Variants in STMND1 observed in about 807,000 individuals in gnomAD.
STMND1 encodes stathmin domain-containing protein 1.
Under a neutral mutation model 23.0 loss-of-function variants are expected in STMND1, and 17 were observed. The ratio of observed to expected loss-of-function variants is 0.74; its 90% confidence interval spans 0.51 to 1.11. The LOEUF is 1.11. Among genes scored for constraint, STMND1 ranks in the 50% least tolerant of loss-of-function variants. STMND1 has a pLI of 0.00. For synonymous variants in STMND1, 114 were observed against 119.9 expected (o/e 0.95, Z 0.32); for missense variants, 305 against 329.1 (o/e 0.93, Z 0.57).
intron 2 of STMND1, among the ~76,000 whole-genome samples, chr6:17,116,503 A>C (rs1761161950): frequency 6.6e-6 from 1 of 151,716 alleles, no homozygotes; most frequent in Non-Finnish European, 1.5e-5. Flanking sequence ...GCAATGGTGC[A>C]ATCTCCGCTC....
intron 3 of STMND1, among the ~76,000 whole-genome samples, chr6:17,126,068 ATATT>A (rs1761298407): frequency 4.7e-5 from 1 of 21,380 alleles, no homozygotes; most frequent in African/African-American, 2.5e-4. Context: ...ATATATATAT[ATATT>A]TTTTTTTTTT....
At chr6:17,109,150 A>G (rs979613265) in intron 1 of STMND1, among the ~76,000 whole-genome samples, 1 of 152,256 alleles carries the variant, frequency 6.6e-6, no homozygotes, top group Non-Finnish European at 1.5e-5. Context: ...AGAAAAGCAC[A>G]TCGTTGCTTT....
chr6:17,104,433 C>A (rs983740482), intron 1 of STMND1, among the ~76,000 whole-genome samples: 14 of 152,110 alleles, frequency 9.2e-5, no homozygotes, highest in Non-Finnish European at 1.0e-4. Flanking sequence ...ACTGCTAAAA[C>A]TAATTTCGTT....
rs570084595 is a variant in STMND1, at chr6:17,129,622, A to T, written c.543+379A>T. On this transcript the variant is annotated intron_variant, in intron 4 of 4. Coordinates refer to ENST00000536551, the MANE Select transcript of STMND1 (RefSeq NM_001190766.2). ...CACTTTGGGAGGCCGAGGCAGGCGGATCACGAGGTCAGGAGATTGAGACCA... is the reference window on the plus strand; with the variant it reads ...CACTTTGGGAGGCCGAGGCAGGCGGTTCACGAGGTCAGGAGATTGAGACCA... Among the ~76,000 whole-genome samples, 185 of 152,158 alleles carry T rather than the reference A, an allele frequency of 1.2e-3. 1 individual carries two copies. Among genetic ancestry groups the T allele is most frequent in the African/African-American group, 4.0e-3 (167 of 41,546 alleles).
intron 1 of STMND1, 101 bp from the exon 2 acceptor site, chr6:17,114,861 C>G: frequency 7.8e-7 from 1 of 1,286,820 alleles, no homozygotes; most frequent in Non-Finnish European, 1.0e-6. Flanking sequence ...TACAGCCCAC[C>G]ACAGATACTA....
In STMND1 at chr6:17,130,619, G is replaced by C. The variant is rs1021568064; in HGVS notation, c.569G>C (p.Arg190Thr). ...RKTKEEEIRK[R>T]LRSDRLLPSA... ...ACTAAAGAAGAAGAAATAAGAAAAA[G>C]GCTACGGAGTGACCGACTTTTGCCT... Residue 190 changes from arginine to threonine, a missense_variant, in exon 5 of 5, where the codon AGG becomes ACG. Transcript: ENST00000536551. 3.3e-6 allele frequency: 5 copies of C among 1,529,854 alleles called. No individual in the cohort carries two copies. The highest frequency in any genetic ancestry group is 2.8e-5 in the African/African-American group (2 of 72,602). The allele number at this position is 1,529,854 out of a possible 1,614,324, so 94.8% of individuals were successfully genotyped here. A position where few individuals can be genotyped will look rare whatever the true frequency, so the allele number is the denominator to read the frequency against.
intron 3 of STMND1, among the ~76,000 whole-genome samples, chr6:17,125,329 T>C (rs1761281886): frequency 6.6e-6 from 1 of 152,202 alleles, no homozygotes; most frequent in African/African-American, 2.4e-5. Context: ...GATATGTATA[T>C]GGATAGGTAT....
At chr6:17,104,211 T>C (rs1428710171) in intron 1 of STMND1, among the ~76,000 whole-genome samples, 1 of 152,200 alleles carries the variant, frequency 6.6e-6, no homozygotes, top group East Asian at 1.9e-4. Flanking sequence ...ATGATCACTT[T>C]GGACTAATAC....
At chr6:17,116,338 C>G (rs1452486133) in intron 2 of STMND1, among the ~76,000 whole-genome samples, 1 of 152,206 alleles carries the variant, frequency 6.6e-6, no homozygotes, top group Admixed American at 6.5e-5. Flanking sequence ...TGAGTAGGAC[C>G]TAGTACCCTG....
chr6:17,120,528 G>A (rs1356087651), intron 2 of STMND1, 79 bp from the exon 3 acceptor site: 2 of 1,105,514 alleles, frequency 1.8e-6, no homozygotes, highest in Non-Finnish European at 2.5e-6. Context: ...TGGTTTAGAA[G>A]GCATCCGTTT....
chr6:17,118,624 G>T (rs929777915), intron 2 of STMND1, among the ~76,000 whole-genome samples: 1 of 152,188 alleles, frequency 6.6e-6, no homozygotes, highest in African/African-American at 2.4e-5. Context: ...GATCAGAATG[G>T]TTACAATAAT....
chr6:17,115,372 T>TAAAAA (rs75171969), intron 2 of STMND1, among the ~76,000 whole-genome samples: 3 of 116,094 alleles, frequency 2.6e-5, no homozygotes, highest in Non-Finnish European at 5.3e-5. Flanking sequence ...GGACCATCTT[T>TAAAAA]AAAAAAAAAA....
At chr6:17,105,117 A>T (rs759900961) in intron 1 of STMND1, among the ~76,000 whole-genome samples, 8 of 152,220 alleles carry the variant, frequency 5.3e-5, no homozygotes, top group Non-Finnish European at 1.0e-4. Context: ...ATACAGAAGG[A>T]TGTGCATAGA....
intron 1 of STMND1, chr6:17,110,962 C>T: frequency 2.2e-6 from 1 of 448,006 alleles, no homozygotes; most frequent in Non-Finnish European, 4.5e-6. Context: ...AGAGGGCCAG[C>T]ACCTGGAGAG....
rs536810833 is a variant in STMND1 at position 17,129,565 on chromosome 6, C to A, written c.543+322C>A. Among the ~76,000 whole-genome samples the A allele has an allele frequency of 2.4e-4, 36 of 151,896 alleles. No homozygotes were observed. The South Asian group carries it at 5.2e-3, about 22-fold the overall frequency. ...TTAAAAAAAAAAAAAAAATTGTTGG[C>A]CAGGCGCGGTGGCTCACGCCTGTAA... On this transcript the variant is annotated intron_variant, in intron 4 of 4. Coordinates refer to ENST00000536551, the MANE Select transcript of STMND1 (RefSeq NM_001190766.2).
intron 1 of STMND1, among the ~76,000 whole-genome samples, chr6:17,106,036 C>T (rs1418469027): frequency 1.3e-5 from 2 of 152,180 alleles, no homozygotes; most frequent in African/African-American, 4.8e-5. Flanking sequence ...ACACTCACAC[C>T]GTAGACAAAC....
In STMND1 at chr6:17,126,034, T is replaced by TTTTTTATA. The variant is rs1348334184; in HGVS notation, c.412-3077_412-3076insTTTTATAT. 1.4e-3 allele frequency among the ~76,000 whole-genome samples: 59 copies of TTTTTTATA among 42,006 alleles called. 2 individuals carry two copies. The highest frequency in any genetic ancestry group is 7.2e-3 in the African/African-American group (57 of 7,908). The allele number at this position is 42,006 out of a possible 152,430, so 27.6% of individuals were successfully genotyped here. ...CTCTAAGCATAAGGTGATCATTGTT[T>TTTTTTATA]TATATATATATATATATATATATAT... On this transcript the variant is annotated intron_variant, in intron 3 of 4. Transcript: ENST00000536551.
chr6:17,129,400 C>T (rs1761355347), intron 4 of STMND1, among the ~76,000 whole-genome samples, 157 bp downstream of exon 4: 1 of 150,872 alleles, frequency 6.6e-6, no homozygotes, highest in Non-Finnish European at 1.5e-5. Context: ...AAGACAAAGT[C>T]TCACTATGTT....
rs1009465063 is a variant in STMND1, at chr6:17,129,172, A to T, written c.472A>T (p.Lys158Ter). Residue 158 changes from lysine (K) to a stop codon, truncating the protein, a stop_gained, in exon 4 of 5, where the codon AAA becomes TAA. Coordinates refer to ENST00000536551, the MANE Select transcript of STMND1 (RefSeq NM_001190766.2). LOFTEE classifies it high-confidence loss of function. ...TTCCAGACTGAAAAAACTCAAGATC[A>T]AAAAGCAAGTGAAGGATTTCACAAT... ...PPSRLKKLKI[K>*]KQVKDFTMKD... 4 of 1,535,878 alleles carry T rather than the reference A, an allele frequency of 2.6e-6. No homozygotes were observed. In the African/African-American group the frequency reaches 5.5e-5, roughly 21 times the overall value.
Sources: gnomAD v4.1 joint callset for allele counts (sites outside exome capture counted in the v4.1 genomes callset) on GRCh38, gnomAD v4.1.1 for gene constraint, MANE v1.5 for transcripts, NCBI Gene and HGNC (gene_info 2026-07-23, HGNC 2026-07-21) for gene names.